The following CACNA1A variants were observed in gnomAD, a reference collection of about 807,000 sequenced individuals.
CACNA1A encodes calcium voltage-gated channel subunit alpha1 A, also known as voltage-dependent P/Q-type calcium channel subunit alpha-1A.
In CACNA1A, 57 loss-of-function variants were observed where a neutral mutation model predicts 262.4. The ratio of observed to expected loss-of-function variants is 0.22; its 90% CI spans 0.18 to 0.27. The LOEUF is 0.27. CACNA1A is among the 10% of genes least tolerant of loss of function. The pLI is 1.00. For synonymous variants in CACNA1A, 1,431 were observed against 1,419.3 expected, an observed-to-expected ratio of 1.01 and a Z score of -0.18; for missense variants, 2,526 against 3,562.8, an observed-to-expected ratio of 0.71 and a Z score of 7.41.
intron 3 of CACNA1A, among the ~76,000 whole-genome samples, chr19:13,397,491 A>G (rs1416379882): frequency 6.6e-6 from 1 of 152,226 alleles, no homozygotes; most frequent in African/African-American, 2.4e-5. Flanking sequence ...GACACAGATC[A>G]AAATGTGAAG....
At chr19:13,390,299 A>G (rs1050983268) in intron 3 of CACNA1A, among the ~76,000 whole-genome samples, 1 of 152,146 alleles carries the variant, frequency 6.6e-6, no homozygotes, top group Non-Finnish European at 1.5e-5. Context: ...ATGTTGGTAG[A>G]GATGAGGTCT....
Position 13,352,650 on chromosome 19 carries a change from C to T in CACNA1A, c.978+6956G>A, listed in dbSNP as rs566313099. Among the ~76,000 whole-genome samples the T allele has an allele frequency of 1.5e-3, 230 of 152,292 alleles. 3 individuals are homozygous for T. Among genetic ancestry groups the T allele is most frequent in the African/African-American group, 5.2e-3 (218 of 41,562 alleles). ...TTTCTTCTTTTCTAGACAGGGTGAGCTGCCACTGTTCTCCATGCTGGGAAT... is the reference window on the plus strand; with the variant it reads ...TTTCTTCTTTTCTAGACAGGGTGAGTTGCCACTGTTCTCCATGCTGGGAAT... On this transcript the variant is annotated intron_variant, in intron 6 of 46. Transcript: ENST00000360228.
intron 3 of CACNA1A, among the ~76,000 whole-genome samples, chr19:13,431,645 G>C (rs2060505822): frequency 6.6e-6 from 1 of 152,078 alleles, no homozygotes; most frequent in South Asian, 2.1e-4. Context: ...TAAAGGAATG[G>C]ATGAAGAAAA....
chr19:13,332,576 C>G (rs887968090), intron 9 of CACNA1A, among the ~76,000 whole-genome samples: 1 of 152,008 alleles, frequency 6.6e-6, no homozygotes, highest in Non-Finnish European at 1.5e-5. Context: ...TTTGCCATAA[C>G]GAATATCATT....
chr19:13,438,926 A>G (rs1415467478), intron 3 of CACNA1A, among the ~76,000 whole-genome samples: 1 of 152,070 alleles, frequency 6.6e-6, no homozygotes, highest in Non-Finnish European at 1.5e-5. Context: ...TTTAGCAGAG[A>G]CGGGATTTCA....
intron 22 of CACNA1A, among the ~76,000 whole-genome samples, chr19:13,282,840 C>T (rs1009054899): frequency 9.2e-5 from 14 of 152,180 alleles, no homozygotes; most frequent in African/African-American, 3.4e-4. Flanking sequence ...AAAGCTTAGG[C>T]TGTGTTTCTG....
chr19:13,311,589 G>A (rs1046036644), intron 12 of CACNA1A, among the ~76,000 whole-genome samples: 3 of 152,192 alleles, frequency 2.0e-5, no homozygotes, highest in Non-Finnish European at 2.9e-5. Context: ...TGTAATCCCA[G>A]CACTTTGGGA....
intron 3 of CACNA1A, among the ~76,000 whole-genome samples, chr19:13,392,051 A>T (rs531511194): frequency 6.6e-6 from 1 of 151,498 alleles, no homozygotes; most frequent in African/African-American, 2.4e-5. Flanking sequence ...AAAAAAAGAA[A>T]AAAAAGAAAA....
intron 23 of CACNA1A, among the ~76,000 whole-genome samples, chr19:13,276,697 C>CTTTTTT (rs33970596): frequency 8.0e-6 from 1 of 125,422 alleles, no homozygotes; most frequent in Non-Finnish European, 1.6e-5. Flanking sequence ...AATCCCAGCT[C>CTTTTTT]TTTTTTTTTT....
intron 12 of CACNA1A, among the ~76,000 whole-genome samples, chr19:13,312,325 A>G (rs889400675): frequency 1.3e-5 from 2 of 152,212 alleles, no homozygotes; most frequent in African/African-American, 2.4e-5. Context: ...AATAGAAATC[A>G]TATTGATGTC....
intron 6 of CACNA1A, among the ~76,000 whole-genome samples, chr19:13,358,059 G>T (rs1249803333): frequency 1.4e-4 from 22 of 152,092 alleles, no homozygotes; most frequent in Non-Finnish European, 1.5e-5. Context: ...AATGCATTTA[G>T]TCTTTGATCC....
At position 13,235,293 on chromosome 19, in the gene CACNA1A, A is replaced by G; in HGVS notation, c.5068-19T>C. 1 of 1,573,732 alleles carries G rather than the reference A, an allele frequency of 6.4e-7. No homozygotes were observed. The highest frequency in any genetic ancestry group is 8.6e-7 in the Non-Finnish European group (1 of 1,159,406). On this transcript the variant is annotated intron_variant, in intron 32 of 46. Transcript: ENST00000360228. ...GCAGGGCCTGGTGGGAAAAAAGGCAATGAAGAAGAGTGCTGGGGGTCCCTC... is the reference window on the plus strand; with the variant it reads ...GCAGGGCCTGGTGGGAAAAAAGGCAGTGAAGAAGAGTGCTGGGGGTCCCTC...
At chr19:13,479,159 A>G (rs922962508) in intron 1 of CACNA1A, among the ~76,000 whole-genome samples, 2 of 152,186 alleles carry the variant, frequency 1.3e-5, no homozygotes, top group Non-Finnish European at 2.9e-5. Flanking sequence ...GGGTAACAAG[A>G]GCAAAACCTC....
intron 1 of CACNA1A, among the ~76,000 whole-genome samples, 151 bp from the exon 2 acceptor site, chr19:13,455,363 G>C (rs1456178434): frequency 6.6e-6 from 1 of 152,178 alleles, no homozygotes; most frequent in Admixed American, 6.5e-5. Context: ...CCTGTCTGGA[G>C]TAGATCCCTG....
intron 24 of CACNA1A, among the ~76,000 whole-genome samples, chr19:13,270,968 C>T (rs891614499): frequency 6.6e-6 from 1 of 152,092 alleles, no homozygotes; most frequent in Non-Finnish European, 1.5e-5. Context: ...GCCTGAAATC[C>T]CTATCCAGAT....
intron 3 of CACNA1A, among the ~76,000 whole-genome samples, chr19:13,395,024 G>A (rs1007853468): frequency 5.3e-5 from 8 of 151,480 alleles, no homozygotes; most frequent in Non-Finnish European, 8.8e-5. Flanking sequence ...TACAAATCCC[G>A]GGACTTTGGG....
At chr19:13,345,490 T>G (rs2058748059) in intron 6 of CACNA1A, among the ~76,000 whole-genome samples, 1 of 152,162 alleles carries the variant, frequency 6.6e-6, no homozygotes, top group Admixed American at 6.5e-5. Context: ...AAGCGCTCCA[T>G]AAATACTCAT....
At chr19:13,486,847 T>C (rs1451005859) in intron 1 of CACNA1A, among the ~76,000 whole-genome samples, 2 of 152,014 alleles carry the variant, frequency 1.3e-5, no homozygotes, top group Non-Finnish European at 2.9e-5. Context: ...TCCACTTTTC[T>C]TTCTCTCTCA....
chr19:13,413,545 C>G (rs2060153922), intron 3 of CACNA1A, among the ~76,000 whole-genome samples: 2 of 135,618 alleles, frequency 1.5e-5, no homozygotes, highest in Non-Finnish European at 3.1e-5. Context: ...GCACTCTGGC[C>G]TGAGTGACAG....
Sources: allele counts gnomAD v4.1 joint callset (sites outside exome capture counted in the v4.1 genomes callset), GRCh38; gene constraint gnomAD v4.1.1; transcripts MANE v1.5; gene names NCBI Gene and HGNC (gene_info 2026-07-23, HGNC 2026-07-21).